The following WFDC13 variants were observed in gnomAD, a reference collection of about 807,000 sequenced individuals.
WFDC13 encodes the protein WAP four-disulfide core domain 13.
Under a neutral mutation model 10.9 loss-of-function variants are expected in WFDC13, and 6 were observed. The observed-to-expected ratio is 0.55, with a 90% CI of 0.30 to 1.09. WFDC13 has a LOEUF of 1.09. WFDC13 is among the 50% of genes least tolerant of loss of function. The pLI is 0.06. For synonymous variants in WFDC13, 38 were observed against 39.5 expected (o/e 0.96, Z 0.14); for missense variants, 104 against 109.6 (o/e 0.95, Z 0.23).
chr20:45,705,046 A>T, intron 2 of WFDC13: 1 of 1,573,358 alleles, frequency 6.4e-7, no homozygotes, highest in Admixed American at 1.7e-5. Flanking sequence ...GGAAGTTTTG[A>T]TTAATTGTCC....
In WFDC13 at chr20:45,704,554, G is replaced by C; in HGVS notation, c.199G>C (p.Gly67Arg). 1 of 1,614,136 alleles carries C rather than the reference G, an allele frequency of 6.2e-7. No individual in the cohort carries two copies. Among genetic ancestry groups the C allele is most frequent in the Non-Finnish European group, 8.5e-7 (1 of 1,180,012 alleles). Residue 67 changes from glycine (G) to arginine (R), a missense_variant, in exon 2 of 4, where the codon GGG becomes CGG. Gly to Arg is a moderately radical substitution (Grantham distance 125, BLOSUM62 -2). Transcript: ENST00000305479. Reference protein sequence around the residue: ...KGFQCCSSFCGIVCSSETFQK... With the variant: ...KGFQCCSSFCRIVCSSETFQK... Reference sequence around the variant, plus strand: ...ATTTCAGTGCTGTTCCTCCTTCTGTGGGATAGTCTGTTCATCAGAAACATT... The same window carrying C: ...ATTTCAGTGCTGTTCCTCCTTCTGTCGGATAGTCTGTTCATCAGAAACATT...
At position 45,702,137 on chromosome 20, in the gene WFDC13, T is replaced by G. The variant is rs200457136; in HGVS notation, c.14T>G (p.Leu5Arg). ...CCCACTGACACCATGAAGCCTGTGC[T>G]GCCTCTCCAGTTCCTGGTGGTGTTC... The part of the protein sequence containing the change: MKPV[L>R]PLQFLVVFCL... The change falls in exon 1 of 4, where the codon CTG (leucine) becomes CGG (arginine). Residue 5 changes from leucine to arginine, a missense_variant. Transcript: ENST00000305479. 190 of 1,613,228 alleles carry G rather than the reference T, an allele frequency of 1.2e-4. No homozygotes were observed. Among genetic ancestry groups the G allele is most frequent in the Non-Finnish European group, 1.6e-4 (184 of 1,179,734 alleles).
At chr20:45,703,711 T>C (rs1984269875) in intron 1 of WFDC13, among the ~76,000 whole-genome samples, 1 of 152,048 alleles carries the variant, frequency 6.6e-6, no homozygotes, top group Non-Finnish European at 1.5e-5. Context: ...CTGAAATACT[T>C]GGGGGTAGGG....
chr20:45,705,553 T>C (rs2145646452), intron 2 of WFDC13, among the ~76,000 whole-genome samples: 1 of 152,336 alleles, frequency 6.6e-6, no homozygotes, highest in Non-Finnish European at 1.5e-5. Flanking sequence ...AAATAGACAA[T>C]CCATGTAAGC....
chr20:45,704,881 C>A, intron 2 of WFDC13: 1 of 1,605,150 alleles, frequency 6.2e-7, no homozygotes, highest in South Asian at 1.1e-5. Flanking sequence ...GACCTTCCCC[C>A]GACCCAGAAT....
At chr20:45,704,375 G>A (rs1827268062) in intron 1 of WFDC13, 69 bp from the exon 2 acceptor site, 2 of 1,539,022 alleles carry the variant, frequency 1.3e-6, no homozygotes, top group African/African-American at 1.4e-5. Context: ...AGTTCCCTGG[G>A]CTTTCTGAGT....
chr20:45,706,749 G>T (rs1984407173), intron 3 of WFDC13, among the ~76,000 whole-genome samples: 1 of 148,704 alleles, frequency 6.7e-6, no homozygotes, highest in Non-Finnish European at 1.5e-5. Flanking sequence ...TCCAGCCTGG[G>T]CGACAGAGTG....
At chr20:45,703,740 C>T (rs1165716063) in intron 1 of WFDC13, among the ~76,000 whole-genome samples, 2 of 152,162 alleles carry the variant, frequency 1.3e-5, no homozygotes, top group Non-Finnish European at 2.9e-5. Flanking sequence ...AGGAAGTCAA[C>T]ATAATGATGC....
intron 3 of WFDC13, among the ~76,000 whole-genome samples, chr20:45,706,178 C>T (rs998491694): frequency 2.0e-5 from 3 of 152,150 alleles, no homozygotes; most frequent in Non-Finnish European, 1.5e-5. Flanking sequence ...CCAGGGGGAA[C>T]CCAGGGCACT....
In WFDC13 at chr20:45,703,777, G is replaced by A. The variant is rs539424389; in HGVS notation, c.89-667G>A. Among the ~76,000 whole-genome samples, 23 of 152,244 alleles carry A rather than the reference G, an allele frequency of 1.5e-4. No homozygotes were observed. In the South Asian group the frequency reaches 3.7e-3, roughly 25 times the overall value. ...TATTCTTCTCTAACAGTAGAAAGTGGGGCATCCTGGTGCTCTGGCCTCCTG... is the reference window on the plus strand; with the variant it reads ...TATTCTTCTCTAACAGTAGAAAGTGAGGCATCCTGGTGCTCTGGCCTCCTG... On this transcript the variant is annotated intron_variant, in intron 1 of 3. Coordinates refer to ENST00000305479, the MANE Select transcript of WFDC13 (RefSeq NM_172005.2).
chr20:45,707,930 T>TAACCTGC lies in WFDC13; in HGVS notation c.*98_*104dup, dbSNP rs1984459585. On this transcript the variant is annotated 3_prime_UTR_variant, in exon 4 of 4. Transcript: ENST00000305479. Reference sequence around the variant, plus strand: ...AGCAAGAAACTGGAGGCCCAATATCTAACCTGCAAATCGTTTTTGAGTTTG... The same window carrying TAACCTGC: ...AGCAAGAAACTGGAGGCCCAATATCTAACCTGCAACCTGCAAATCGTTTTTGAGTTTG... 6.6e-6 allele frequency: 1 copy of TAACCTGC among 152,232 alleles called. No individual in the cohort carries two copies. The highest frequency in any genetic ancestry group is 1.5e-5 in the Non-Finnish European group (1 of 68,044). 9.4% of individuals were successfully genotyped at this position (152,232 alleles called of 1,614,324 possible).
chr20:45,707,644 T>A (rs1984448277), intron 3 of WFDC13, among the ~76,000 whole-genome samples: 1 of 152,132 alleles, frequency 6.6e-6, no homozygotes, highest in Non-Finnish European at 1.5e-5. Context: ...TGATGGCTAA[T>A]TAAAGGTGAT....
chr20:45,707,254 T>C (rs16990589), intron 3 of WFDC13, among the ~76,000 whole-genome samples: 1 of 152,204 alleles, frequency 6.6e-6, no homozygotes, highest in African/African-American at 2.4e-5. Context: ...CATAACCTAG[T>C]GACCCCTGAT....
intron 1 of WFDC13, among the ~76,000 whole-genome samples, chr20:45,703,351 C>A (rs1305158933): frequency 1.3e-5 from 2 of 152,166 alleles, no homozygotes; most frequent in African/African-American, 4.8e-5. Context: ...ACAGCTTGAA[C>A]CTCAGCTTCT....
Position 45,704,295 on chromosome 20 carries a change from G to T in WFDC13, c.89-149G>T, listed in dbSNP as rs1265927007. 5.0e-6 allele frequency: 5 copies of T among 1,006,766 alleles called. No homozygotes were observed. In the East Asian group the frequency reaches 1.0e-4, roughly 21 times the overall value. 62.4% of individuals were successfully genotyped at this position (1,006,766 alleles called of 1,614,324 possible). The stretch of plus-strand genomic sequence containing the variant: ...GCTCAGAACTCAGAGGAAGGCAGCA[G>T]CTGAGGACAAAACCTGATGCCACCA... On this transcript the variant is annotated intron_variant, in intron 1 of 3. Coordinates refer to ENST00000305479, the MANE Select transcript of WFDC13 (RefSeq NM_172005.2).
rs1488369045 is a variant in WFDC13, at chr20:45,708,664, T to C, written c.*829T>C. The C allele has an allele frequency of 2.6e-5, 4 of 152,160 alleles. 1 individual carries two copies. Among genetic ancestry groups the C allele is most frequent in the African/African-American group, 9.7e-5 (4 of 41,436 alleles). 9.4% of individuals were successfully genotyped at this position (152,160 alleles called of 1,614,324 possible). A position where few individuals can be genotyped will look rare whatever the true frequency, so the allele number is the denominator to read the frequency against. On this transcript the variant is annotated 3_prime_UTR_variant, in exon 4 of 4. Coordinates refer to ENST00000305479, the MANE Select transcript of WFDC13 (RefSeq NM_172005.2). ...ATCAAAAATAATCAGCCATAAAATA[T>C]TAAAAAGGTATTATAAAGGTATTTA...
rs1984285324 is a variant in WFDC13 at position 45,704,034 on chromosome 20, T to C, written c.89-410T>C. Among the ~76,000 whole-genome samples, 3 of 152,356 alleles carry C rather than the reference T, an allele frequency of 2.0e-5. No individual in the cohort carries two copies. The South Asian group carries it at 6.2e-4, about 32-fold the overall frequency. On this transcript the variant is annotated intron_variant, in intron 1 of 3. Coordinates refer to ENST00000305479, the MANE Select transcript of WFDC13 (RefSeq NM_172005.2). ...ATGTTAGGTTAACCCCAGGGTAAAC[T>C]ATGTTGTTAATGAGAAGCTCTACAA...
chr20:45,704,898 T>G, intron 2 of WFDC13: 1 of 1,612,900 alleles, frequency 6.2e-7, no homozygotes, highest in Non-Finnish European at 8.5e-7. Flanking sequence ...GAATCCACCC[T>G]TATCCCAGGG....
rs551756984 is a variant in WFDC13, at chr20:45,708,810, G to A, written c.*975G>A. 6 of 151,962 alleles carry A rather than the reference G, an allele frequency of 3.9e-5. No homozygotes were observed. Among genetic ancestry groups the A allele is most frequent in the South Asian group, 2.1e-4 (1 of 4,814 alleles). 9.4% of individuals were successfully genotyped at this position (151,962 alleles called of 1,614,324 possible). ...TCATTTCAAATAAATATTCACTTAC[G>A]TGTCTAATTTTGTATTAGTAGTTCT... On this transcript the variant is annotated 3_prime_UTR_variant, in exon 4 of 4. Transcript: ENST00000305479.
Sources: allele counts gnomAD v4.1 joint callset (sites outside exome capture counted in the v4.1 genomes callset), GRCh38; gene constraint gnomAD v4.1.1; transcripts MANE v1.5; gene names NCBI Gene and HGNC (gene_info 2026-07-23, HGNC 2026-07-21).